Variants in CEP120 observed in about 807,000 individuals in gnomAD.
CEP120 encodes centrosomal protein of 120 kDa.
CEP120 carries 113 observed loss-of-function variants against 126.5 expected under a neutral mutation model. The observed-to-expected ratio is 0.89, with a 90% CI of 0.77 to 1.04. The LOEUF is 1.04. CEP120 is among the 50% of genes least tolerant of loss of function. The pLI is 0.00. For synonymous variants in CEP120, 400 were observed against 394.3 expected, an observed-to-expected ratio of 1.01 and a Z score of -0.17; for missense variants, 1,230 against 1,155.7, an observed-to-expected ratio of 1.06 and a Z score of -0.93.
At position 123,388,804 on chromosome 5, in the gene CEP120, T is replaced by C. The variant is rs116209559; in HGVS notation, c.1256-198A>G. ...ATAACCCAGGTTTTAATTTCCATTC[T>C]AGAATTGTGTGAAAAAAGAGCTTAC... On this transcript the variant is annotated intron_variant, in intron 8 of 19. Transcript: ENST00000306467. Among the ~76,000 whole-genome samples, 526 of 152,296 alleles carry C rather than the reference T, an allele frequency of 3.5e-3. 5 individuals are homozygous for C. The highest frequency in any genetic ancestry group is 0.012 in the African/African-American group (516 of 41,570).
chr5:123,406,822 T>C (rs1293126638), intron 4 of CEP120, among the ~76,000 whole-genome samples: 1 of 151,924 alleles, frequency 6.6e-6, no homozygotes, highest in Non-Finnish European at 1.5e-5. Context: ...AAATAAAAAC[T>C]TTTATTTTTT....
At chr5:123,350,198 A>T in intron 18 of CEP120, 109 bp from the exon 19 acceptor site, 1 of 927,014 alleles carries the variant, frequency 1.1e-6, no homozygotes, top group Non-Finnish European at 1.6e-6. Flanking sequence ...TGATATAGCC[A>T]CACACTGCCA....
chr5:123,369,827 T>A (rs903186850), intron 17 of CEP120, among the ~76,000 whole-genome samples: 1 of 151,986 alleles, frequency 6.6e-6, no homozygotes, highest in Non-Finnish European at 1.5e-5. Context: ...CATTCATTTA[T>A]TTTTTTACTC....
rs1562072903 is a variant in CEP120, at chr5:123,400,940, G to A, written c.464-1656C>T. On this transcript the variant is annotated intron_variant, in intron 4 of 19. Coordinates refer to ENST00000306467, the MANE Select transcript of CEP120 (RefSeq NM_001375405.1). ...CTGTTCACTTGGGCAGGACGTCAGA[G>A]GACTCGGACACCAGCTTCCCATCAC... The A allele has an allele frequency of 5.1e-6, 8 of 1,555,214 alleles. No homozygotes were observed. The South Asian group carries it at 9.0e-5, about 17-fold the overall frequency.
intron 18 of CEP120, among the ~76,000 whole-genome samples, chr5:123,356,565 C>T (rs929977252): frequency 1.4e-4 from 21 of 152,036 alleles, no homozygotes; most frequent in Non-Finnish European, 2.8e-4. Context: ...ATTTTCTATT[C>T]ATTCCACCTA....
chr5:123,411,110 A>G (rs1488549471), intron 4 of CEP120, among the ~76,000 whole-genome samples: 2 of 152,214 alleles, frequency 1.3e-5, no homozygotes, highest in Non-Finnish European at 2.9e-5. Context: ...GAGGAATTGC[A>G]AATTAAAACA....
intron 1 of CEP120, among the ~76,000 whole-genome samples, chr5:123,420,468 T>A (rs191481626): frequency 2.6e-5 from 4 of 152,264 alleles, no homozygotes; most frequent in African/African-American, 9.6e-5. Flanking sequence ...AGTTAACTCT[T>A]AAGGACTGTA....
At position 123,379,588 on chromosome 5, in the gene CEP120, T is replaced by C. The variant is rs148146955; in HGVS notation, c.2104-1160A>G. On this transcript the variant is annotated intron_variant, in intron 14 of 19. Coordinates refer to ENST00000306467, the MANE Select transcript of CEP120 (RefSeq NM_001375405.1). ...GATAAAGTTAATTTATTACCAATAATGGATCACTTAGGGTATTAAGGGCTT... is the reference window on the plus strand; with the variant it reads ...GATAAAGTTAATTTATTACCAATAACGGATCACTTAGGGTATTAAGGGCTT... 2.6e-3 allele frequency among the ~76,000 whole-genome samples: 392 copies of C among 152,166 alleles called. 2 individuals carry two copies. Among genetic ancestry groups the C allele is most frequent in the Non-Finnish European group, 2.7e-3 (181 of 67,962 alleles).
intron 18 of CEP120, among the ~76,000 whole-genome samples, chr5:123,359,415 CAAG>C: frequency 6.6e-6 from 1 of 152,082 alleles, no homozygotes; most frequent in Non-Finnish European, 1.5e-5. Flanking sequence ...TCTAAGATGT[CAAG>C]AAACGTTTTT....
intron 8 of CEP120, 66 bp downstream of exon 8, chr5:123,389,858 C>T: frequency 7.1e-7 from 1 of 1,399,974 alleles, no homozygotes; most frequent in Non-Finnish European, 1.0e-6. Context: ...TTCTCATAGT[C>T]ATTTTTTAGA....
intron 17 of CEP120, among the ~76,000 whole-genome samples, chr5:123,367,609 C>T (rs1770557614): frequency 6.6e-6 from 1 of 151,842 alleles, no homozygotes; most frequent in Admixed American, 6.6e-5. Context: ...GGATGCTGAA[C>T]AGGTAAATAC....
chr5:123,356,631 A>C (rs1769648690), intron 18 of CEP120, among the ~76,000 whole-genome samples: 1 of 151,806 alleles, frequency 6.6e-6, no homozygotes, highest in Non-Finnish European at 1.5e-5. Flanking sequence ...TTCAGTTTTC[A>C]CCCTCAATCT....
At chr5:123,360,073 T>C (rs1769961456) in intron 18 of CEP120, among the ~76,000 whole-genome samples, 1 of 151,998 alleles carries the variant, frequency 6.6e-6, no homozygotes, top group South Asian at 2.1e-4. Flanking sequence ...CCGTGGCTAT[T>C]CACCAGAGGC....
intron 17 of CEP120, among the ~76,000 whole-genome samples, chr5:123,366,150 CCTAA>C (rs1322617836): frequency 6.6e-6 from 1 of 151,730 alleles, no homozygotes; most frequent in Non-Finnish European, 1.5e-5. Context: ...ATCAACGATT[CCTAA>C]CTTATTTTTT....
intron 17 of CEP120, among the ~76,000 whole-genome samples, chr5:123,372,002 A>G (rs535852141): frequency 2.0e-5 from 3 of 152,240 alleles, no homozygotes; most frequent in African/African-American, 7.2e-5. Context: ...TGGACATTAC[A>G]CATTTTTAAT....
At chr5:123,421,184 T>A (rs1323580057) in intron 1 of CEP120, among the ~76,000 whole-genome samples, 1 of 152,222 alleles carries the variant, frequency 6.6e-6, no homozygotes, top group East Asian at 1.9e-4. Flanking sequence ...TGAGGCCTAT[T>A]CGCTCCAGTT....
At chr5:123,397,617 C>G (rs1772873019) in intron 5 of CEP120, among the ~76,000 whole-genome samples, 1 of 152,146 alleles carries the variant, frequency 6.6e-6, no homozygotes, top group Admixed American at 6.5e-5. Context: ...AGAGTAAATG[C>G]TCAAAGAACA....
At chr5:123,412,868 CA>C (rs1249782908) in intron 3 of CEP120, among the ~76,000 whole-genome samples, 1 of 152,112 alleles carries the variant, frequency 6.6e-6, no homozygotes, top group Admixed American at 6.6e-5. Flanking sequence ...CCTTAAACAA[CA>C]AAAAAACTAC....
At chr5:123,409,317 C>A (rs4836007) in intron 4 of CEP120, among the ~76,000 whole-genome samples, 3 of 152,092 alleles carry the variant, frequency 2.0e-5, no homozygotes, top group Non-Finnish European at 4.4e-5. Context: ...CTACAGCTAA[C>A]ATTATACTTA....
Sources: gnomAD v4.1 joint callset for allele counts (sites outside exome capture counted in the v4.1 genomes callset) on GRCh38, gnomAD v4.1.1 for gene constraint, MANE v1.5 for transcripts, NCBI Gene and HGNC (gene_info 2026-07-23, HGNC 2026-07-21) for gene names.